RTTN: variants seen among roughly 807,000 people sequenced by gnomAD.
RTTN encodes rotatin.
RTTN carries 182 observed loss-of-function variants against 269.2 expected under a neutral mutation model. That is an observed-to-expected ratio of 0.68 (90% confidence interval 0.60 to 0.76). The LOEUF is 0.76. Ranked by LOEUF, RTTN falls within the 30% of genes least tolerant of loss-of-function variation. RTTN has a pLI of 0.00. For synonymous variants in RTTN, 1,006 were observed against 963.5 expected (o/e 1.04, Z -0.82); for missense variants, 2,545 against 2,608.6 (o/e 0.98, Z 0.53).
In RTTN at chr18:70,075,468, T is replaced by C; in HGVS notation, c.4448A>G (p.His1483Arg). The C allele has an allele frequency of 1.2e-6, 2 of 1,609,010 alleles. No individual in the cohort carries two copies. The highest frequency in any genetic ancestry group is 1.7e-5 in the Admixed American group (1 of 59,250). Residue 1483 changes from histidine (H) to arginine (R), a missense_variant, in exon 33 of 49, where the codon CAC becomes CGC. Transcript: ENST00000640769. ...GKPALQALLY[H>R]CHFYEHLNQM... ...ATTCAAATGTTCATAAAAATGGCAGTGATATAAAAGAGCCTGAAGGGCAGG... is the reference window on the plus strand; with the variant it reads ...ATTCAAATGTTCATAAAAATGGCAGCGATATAAAAGAGCCTGAAGGGCAGG...
intron 21 of RTTN, among the ~76,000 whole-genome samples, chr18:70,135,826 T>A (rs1413843390): frequency 6.6e-6 from 1 of 152,188 alleles, no homozygotes. Context: ...GTGCTCTGAA[T>A]GGACAGACTT....
chr18:70,178,149 A>G (rs2061346123), intron 10 of RTTN, among the ~76,000 whole-genome samples: 1 of 152,180 alleles, frequency 6.6e-6, no homozygotes, highest in Non-Finnish European at 1.5e-5. Context: ...ATTGAACTTG[A>G]ACCCAGGAGG....
intron 48 of RTTN, among the ~76,000 whole-genome samples, chr18:70,004,494 A>G (rs961293479): frequency 2.6e-5 from 4 of 152,188 alleles, no homozygotes; most frequent in Non-Finnish European, 4.4e-5. Flanking sequence ...ACCATTAACT[A>G]TAATTCCAAA....
In RTTN at chr18:70,086,595, T is replaced by C; in HGVS notation, c.4374+18A>G. The C allele has an allele frequency of 6.6e-7, 1 of 1,526,672 alleles. No homozygotes were observed. The highest frequency in any genetic ancestry group is 9.0e-7 in the Non-Finnish European group (1 of 1,116,942). The allele number at this position is 1,526,672 out of a possible 1,614,324, so 94.6% of individuals were successfully genotyped here. On this transcript the variant is annotated intron_variant, in intron 32 of 48. Transcript: ENST00000640769. ...TTTGAAACATCTACTAGGTTGATAA[T>C]TGTTTAAAATCACCCACCTGCCAAG...
chr18:70,088,597 G>T (rs761442277), intron 30 of RTTN, among the ~76,000 whole-genome samples: 27 of 152,080 alleles, frequency 1.8e-4, no homozygotes, highest in Non-Finnish European at 3.5e-4. Flanking sequence ...AAGGCATTTC[G>T]TATTTTCCTC....
chr18:70,163,025 A>G (rs1010803327), intron 14 of RTTN, among the ~76,000 whole-genome samples: 1 of 142,626 alleles, frequency 7.0e-6, no homozygotes, highest in African/African-American at 2.5e-5. Context: ...AAAAAAAACT[A>G]TGATGGGAAA....
At chr18:70,168,194 C>T (rs1422090499) in intron 12 of RTTN, among the ~76,000 whole-genome samples, 1 of 151,880 alleles carries the variant, frequency 6.6e-6, no homozygotes, top group African/African-American at 2.4e-5. Flanking sequence ...GAATTTTATC[C>T]CTAATTCTTC....
chr18:70,005,505 T>G, intron 47 of RTTN: 1 of 372,756 alleles, frequency 2.7e-6, no homozygotes. Context: ...ATTTTCTTTC[T>G]TCCCTTCTCT....
chr18:70,011,142 C>A (rs1345663780), intron 46 of RTTN, among the ~76,000 whole-genome samples: 1 of 152,024 alleles, frequency 6.6e-6, no homozygotes, highest in Non-Finnish European at 1.5e-5. Flanking sequence ...AATTCACAGC[C>A]GAATTCTACC....
intron 43 of RTTN, among the ~76,000 whole-genome samples, chr18:70,025,486 C>T (rs17231282): frequency 0.022 from 3,292 of 152,258 alleles, 54 homozygotes; most frequent in Middle Eastern, 0.044. Context: ...AATTTGTAGA[C>T]CCATGATTAT....
At chr18:70,099,669 G>C (rs905232508) in intron 28 of RTTN, among the ~76,000 whole-genome samples, 8 of 152,138 alleles carry the variant, frequency 5.3e-5, no homozygotes, top group African/African-American at 9.7e-5. Flanking sequence ...CCTATGTCCT[G>C]AATGGTATTG....
intron 23 of RTTN, chr18:70,128,777 A>G (rs913624206): frequency 2.4e-5 from 10 of 422,638 alleles, no homozygotes; most frequent in Admixed American, 2.1e-4. Flanking sequence ...GACTTACCAC[A>G]TTCTATGCTA....
intron 40 of RTTN, among the ~76,000 whole-genome samples, chr18:70,046,106 T>C (rs80200840): frequency 0.029 from 4,411 of 152,250 alleles, 82 homozygotes; most frequent in Non-Finnish European, 0.046. Context: ...TTACCCTACA[T>C]GGATCCATAT....
At chr18:70,137,472 A>G (rs544879875) in intron 21 of RTTN, among the ~76,000 whole-genome samples, 38 of 152,228 alleles carry the variant, frequency 2.5e-4, no homozygotes, top group South Asian at 4.1e-4. Context: ...TCTTCCTAAA[A>G]CACATACTCC....
At chr18:70,065,775 G>A (rs538637138) in intron 35 of RTTN, 54 bp downstream of exon 35, 1 of 1,208,898 alleles carries the variant, frequency 8.3e-7, no homozygotes, top group African/African-American at 1.5e-5. Context: ...TATCTGTCTG[G>A]ACCAACTTGT....
At chr18:70,065,787 AT>A in intron 35 of RTTN, 41 bp downstream of exon 35, 1 of 1,357,494 alleles carries the variant, frequency 7.4e-7, no homozygotes, top group Non-Finnish European at 1.0e-6. Flanking sequence ...CCAACTTGTC[AT>A]TTTTCTTTTT....
chr18:70,092,291 C>T, intron 29 of RTTN, 71 bp from the exon 30 acceptor site: 1 of 970,044 alleles, frequency 1.0e-6, no homozygotes, highest in Non-Finnish European at 1.6e-6. Flanking sequence ...AAGGTTAAAA[C>T]AAGAATTTTT....
intron 46 of RTTN, among the ~76,000 whole-genome samples, chr18:70,014,194 T>C (rs2056474758): frequency 6.6e-6 from 1 of 152,260 alleles, no homozygotes; most frequent in Non-Finnish European, 1.5e-5. Context: ...TTTAAATAGC[T>C]ACATGTGGCT....
intron 44 of RTTN, among the ~76,000 whole-genome samples, chr18:70,021,645 A>G (rs1242972337): frequency 6.6e-6 from 1 of 152,232 alleles, no homozygotes; most frequent in East Asian, 1.9e-4. Flanking sequence ...GAAAGTTAAC[A>G]GCACAGAATG....
Sources: allele counts gnomAD v4.1 joint callset (sites outside exome capture counted in the v4.1 genomes callset), GRCh38; gene constraint gnomAD v4.1.1; transcripts MANE v1.5; gene names NCBI Gene and HGNC (gene_info 2026-07-23, HGNC 2026-07-21).